The following DGKB variants were observed in gnomAD, a reference collection of about 807,000 sequenced individuals.
The protein encoded by DGKB is diacylglycerol kinase beta, also known as 90 kDa diacylglycerol kinase.
A neutral mutation model predicts 114.3 loss-of-function variants in DGKB; 67 were observed. That is an observed-to-expected ratio of 0.59 (90% CI 0.48 to 0.72). The LOEUF is 0.72. DGKB is among the 30% of genes least tolerant of loss of function. The pLI, the probability that DGKB is intolerant of heterozygous loss-of-function variation, is 0.00. For synonymous variants in DGKB, 398 were observed against 323.1 expected (o/e 1.23, Z -2.49); for missense variants, 907 against 975.2 (o/e 0.93, Z 0.93).
At chr7:14,584,101 ATT>A (rs1228623320) in intron 17 of DGKB, among the ~76,000 whole-genome samples, 1 of 152,212 alleles carries the variant, frequency 6.6e-6, no homozygotes, top group Non-Finnish European at 1.5e-5. Flanking sequence ...GTGTGGTTTT[ATT>A]TTAACTTCAA....
Position 14,338,571 on chromosome 7 carries a change from C to T in DGKB, c.2066G>A (p.Gly689Glu), listed in dbSNP as rs776470699. Residue 689 changes from glycine to glutamate, a missense_variant, in exon 23 of 26, where the codon GGG becomes GAG. Around this residue, in one of 3 missense-constraint regions of DGKB, gnomAD observed 814 missense variants for 856.6 expected, o/e 0.95. Transcript: ENST00000402815. ...TGTGACGGTGGTCCTTTTGTCAGAC[C>T]CTTTTTTCTCTATTCGTCGATGGCT... The part of the protein sequence containing the change: ...RRSHRRIEKK[G>E]SDKRTTVTDA... The T allele has an allele frequency of 3.1e-6, 5 of 1,607,996 alleles. No individual in the cohort carries two copies. In the South Asian group the frequency reaches 5.5e-5, roughly 18 times the overall value.
chr7:14,159,202 T>G (rs985916788), intron 25 of DGKB, among the ~76,000 whole-genome samples: 2 of 152,128 alleles, frequency 1.3e-5, no homozygotes, highest in Non-Finnish European at 2.9e-5. Context: ...CTGCCTCTCT[T>G]CTTTCATGTC....
chr7:14,949,723 C>T (rs142533063), intron 1 of DGKB, among the ~76,000 whole-genome samples: 1 of 151,820 alleles, frequency 6.6e-6, no homozygotes, highest in East Asian at 1.9e-4. Context: ...AAATGATAGA[C>T]TGGATTAAGA....
chr7:14,335,173 A>G (rs1562958414), intron 23 of DGKB, among the ~76,000 whole-genome samples: 1 of 152,334 alleles, frequency 6.6e-6, no homozygotes, highest in East Asian at 1.9e-4. Context: ...CAAATAAATT[A>G]TGCAGAAGTC....
chr7:14,304,053 A>ACT (rs1462668613), intron 23 of DGKB, among the ~76,000 whole-genome samples: 3 of 45,256 alleles, frequency 6.6e-5, no homozygotes, highest in African/African-American at 3.7e-4. Flanking sequence ...TAGAACACAC[A>ACT]CACACACACA....
At chr7:14,321,504 A>T (rs1427283457) in intron 23 of DGKB, among the ~76,000 whole-genome samples, 1 of 152,016 alleles carries the variant, frequency 6.6e-6, no homozygotes, top group African/African-American at 2.4e-5. Flanking sequence ...GAACTATTGA[A>T]ATCTCCCCCA....
At chr7:14,169,002 T>C (rs1780409322) in intron 25 of DGKB, among the ~76,000 whole-genome samples, 1 of 152,148 alleles carries the variant, frequency 6.6e-6, no homozygotes, top group South Asian at 2.1e-4. Context: ...TCAGGCAATC[T>C]GACTAAAAGG....
intron 19 of DGKB, among the ~76,000 whole-genome samples, chr7:14,579,498 A>C (rs1316673327): frequency 6.6e-6 from 1 of 152,228 alleles, no homozygotes; most frequent in African/African-American, 2.4e-5. Context: ...CATGGCAAGA[A>C]GACTCACATA....
chr7:14,385,671 A>G (rs1820217790), intron 21 of DGKB, among the ~76,000 whole-genome samples: 1 of 152,228 alleles, frequency 6.6e-6, no homozygotes, highest in Non-Finnish European at 1.5e-5. Context: ...GATCAAATGC[A>G]TAAAGCAAAA....
At chr7:14,846,302 A>G (rs1474001132) in intron 1 of DGKB, among the ~76,000 whole-genome samples, 1 of 152,192 alleles carries the variant, frequency 6.6e-6, no homozygotes, top group Non-Finnish European at 1.5e-5. Flanking sequence ...TTGGTTTCTC[A>G]TAATTCTCAT....
intron 1 of DGKB, among the ~76,000 whole-genome samples, chr7:14,921,094 C>T (rs1000388703): frequency 6.6e-6 from 1 of 152,006 alleles, no homozygotes; most frequent in Non-Finnish European, 1.5e-5. Context: ...TCAATCCTCA[C>T]CTCCTCCCAT....
intron 21 of DGKB, among the ~76,000 whole-genome samples, chr7:14,475,301 A>T (rs1782004985): frequency 6.6e-6 from 1 of 152,166 alleles, no homozygotes; most frequent in African/African-American, 2.4e-5. Context: ...CAATGTTGAA[A>T]TCTGAACTAT....
intron 14 of DGKB, among the ~76,000 whole-genome samples, chr7:14,624,702 A>G (rs1302827671): frequency 6.6e-6 from 1 of 152,128 alleles, no homozygotes; most frequent in Admixed American, 6.6e-5. Context: ...AAACAATCAG[A>G]AATAATACAA....
chr7:14,949,174 A>G lies in DGKB; in HGVS notation c.-188+25522T>C, dbSNP rs148514019. Among the ~76,000 whole-genome samples, 779 of 152,040 alleles carry G rather than the reference A, an allele frequency of 5.1e-3. 7 individuals are homozygous for G. Among genetic ancestry groups the G allele is most frequent in the African/African-American group, 0.018 (754 of 41,544 alleles). The stretch of plus-strand genomic sequence containing the variant: ...TTACAAAAGAAACATTAATAAAAAA[A>G]TCTATATAGAAATATTCAATCTCAT... On this transcript the variant is annotated intron_variant, in intron 1 of 4. Transcript: ENST00000437998.
At chr7:14,698,238 G>T (rs940708511) in intron 7 of DGKB, 69 bp from the exon 8 acceptor site, 1 of 997,102 alleles carries the variant, frequency 1.0e-6, no homozygotes, top group African/African-American at 1.7e-5. Context: ...TTCACTTGCA[G>T]AAATTGTTTT....
At chr7:14,461,295 T>C (rs1199347806) in intron 21 of DGKB, among the ~76,000 whole-genome samples, 2 of 147,040 alleles carry the variant, frequency 1.4e-5, no homozygotes, top group African/African-American at 5.0e-5. Context: ...ACAAAAACCC[T>C]TCAAAAAATC....
At chr7:14,691,287 A>T (rs936627537) in intron 9 of DGKB, among the ~76,000 whole-genome samples, 1 of 152,196 alleles carries the variant, frequency 6.6e-6, no homozygotes, top group Non-Finnish European at 1.5e-5. Context: ...TGCACCATCA[A>T]TTAGAACCTA....
intron 2 of DGKB, among the ~76,000 whole-genome samples, chr7:14,779,446 G>A (rs1838739833): frequency 6.6e-6 from 1 of 152,268 alleles, no homozygotes; most frequent in Non-Finnish European, 1.5e-5. Flanking sequence ...TTGAGGCTGA[G>A]GATGGCTTGA....
At chr7:14,773,173 C>T (rs1392953372) in intron 2 of DGKB, among the ~76,000 whole-genome samples, 5 of 151,980 alleles carry the variant, frequency 3.3e-5, no homozygotes. Flanking sequence ...ACATAAAGTG[C>T]TAAATAATTA....
Sources: allele counts gnomAD v4.1 joint callset (sites outside exome capture counted in the v4.1 genomes callset), GRCh38; gene constraint gnomAD v4.1.1; regional missense constraint gnomAD v4.1.1; transcripts MANE v1.5; gene names NCBI Gene and HGNC (gene_info 2026-07-23, HGNC 2026-07-21).